IKZF3: variants seen among roughly 807,000 people sequenced by gnomAD.
IKZF3 encodes zinc finger protein Aiolos.
A neutral mutation model predicts 49.0 loss-of-function variants in IKZF3; 10 were observed. That is an observed-to-expected ratio of 0.20 (90% CI 0.13 to 0.35). IKZF3 has a LOEUF of 0.35. IKZF3 is among the 10% of genes least tolerant of loss of function. The probability of loss-of-function intolerance (pLI) is 1.00; values close to 1 mark genes in which losing one functional copy is unlikely to be tolerated. For missense variants in IKZF3, 498 were observed against 664.8 expected, an observed-to-expected ratio of 0.75 and a Z score of 2.76; for synonymous variants, 209 against 228.2, an observed-to-expected ratio of 0.92 and a Z score of 0.76.
At chr17:39,851,039 A>G (rs1423362297) in intron 1 of IKZF3, among the ~76,000 whole-genome samples, 1 of 147,104 alleles carries the variant, frequency 6.8e-6, no homozygotes, top group East Asian at 2.0e-4. Flanking sequence ...ATACACGTAT[A>G]TATTATATAT....
chr17:39,766,097 A>G lies in IKZF3; in HGVS notation c.1223T>C (p.Leu408Pro). Residue 408 changes from leucine (L) to proline (P), a missense_variant, in exon 8 of 8, where the codon CTG becomes CCG. Physicochemically the swap from Leu to Pro is moderately conservative, Grantham distance 98. Around this residue, in one of 3 missense-constraint regions of IKZF3, gnomAD observed 317 missense variants for 397.3 expected, o/e 0.80. Transcript: ENST00000346872. The stretch of plus-strand genomic sequence containing the variant: ...TGGCATCCCATTGCGGGCCCGAGAC[A>G]GGACCATGTGATTTTGCTGATAGAT... Reference protein sequence around the residue: ...NHIYQQNHMVLSRARNGMPLL... With the variant: ...NHIYQQNHMVPSRARNGMPLL... The G allele has an allele frequency of 6.2e-6, 10 of 1,614,198 alleles. No individual in the cohort carries two copies. Among genetic ancestry groups the G allele is most frequent in the Non-Finnish European group, 8.5e-6 (10 of 1,180,022 alleles).
Position 39,765,976 on chromosome 17 carries a change from C to A in IKZF3, c.1344G>T (p.Val448=). The A allele has an allele frequency of 6.2e-7, 1 of 1,614,204 alleles. No homozygotes were observed. The highest frequency in any genetic ancestry group is 8.5e-7 in the Non-Finnish European group (1 of 1,179,998). ...SVKVINKEGE[V]MDVYRCDHCR... ...AGTGGTCACACCGATACACATCCAT[C>A]ACCTCCCCTTCCTTGTTGATCACTT... Residue 448 remains valine (V), a synonymous_variant, in exon 8 of 8, where the codon GTG becomes GTT. Coordinates refer to ENST00000346872, the MANE Select transcript of IKZF3 (RefSeq NM_012481.5).
chr17:39,804,837 A>G (rs1333304104), intron 3 of IKZF3, among the ~76,000 whole-genome samples: 3 of 152,004 alleles, frequency 2.0e-5, no homozygotes, highest in African/African-American at 4.8e-5. Flanking sequence ...CTCTTTCTCT[A>G]TCTCCTAGAT....
rs1349852778 is a variant in IKZF3, at chr17:39,766,111, T to A, written c.1209A>T (p.Gln403His). The change falls in exon 8 of 8, where the codon CAA (glutamine) becomes CAT (histidine). Residue 403 changes from glutamine (Q) to histidine (H), a missense_variant. This residue lies in a region of IKZF3 where 317 missense variants were observed against 397.3 expected (regional missense o/e 0.80). Transcript: ENST00000346872. ...GGGCCCGAGACAGGACCATGTGATTTTGCTGATAGATGTGATTCTGGCGTT... is the reference window on the plus strand; with the variant it reads ...GGGCCCGAGACAGGACCATGTGATTATGCTGATAGATGTGATTCTGGCGTT... ...HEERQNHIYQ[Q>H]NHMVLSRARN... The A allele has an allele frequency of 6.2e-7, 1 of 1,614,038 alleles. No homozygotes were observed. The highest frequency in any genetic ancestry group is 2.2e-5 in the East Asian group (1 of 44,902).
intron 1 of IKZF3, among the ~76,000 whole-genome samples, chr17:39,862,372 A>ATTC (rs1236527468): frequency 2.6e-5 from 4 of 152,142 alleles, no homozygotes; most frequent in African/African-American, 9.7e-5. Flanking sequence ...TCCATGAAGT[A>ATTC]TTCTACTTTC....
chr17:39,863,476 C>G (rs2063271342), intron 1 of IKZF3, among the ~76,000 whole-genome samples: 1 of 152,006 alleles, frequency 6.6e-6, no homozygotes, highest in Non-Finnish European at 1.5e-5. Flanking sequence ...GTTGAAAAGA[C>G]CATTGAAGAG....
At chr17:39,812,293 A>G (rs1349173662) in intron 3 of IKZF3, among the ~76,000 whole-genome samples, 1 of 152,198 alleles carries the variant, frequency 6.6e-6, no homozygotes, top group Non-Finnish European at 1.5e-5. Flanking sequence ...AAAACAAAAC[A>G]GAACACCCAA....
At chr17:39,787,153 G>A (rs1450939595) in intron 6 of IKZF3, among the ~76,000 whole-genome samples, 2 of 152,168 alleles carry the variant, frequency 1.3e-5, no homozygotes, top group Non-Finnish European at 2.9e-5. Flanking sequence ...TAAGCAATTG[G>A]TTCAAGTTAC....
At chr17:39,853,522 G>A (rs2062943514) in intron 1 of IKZF3, among the ~76,000 whole-genome samples, 2 of 152,130 alleles carry the variant, frequency 1.3e-5, no homozygotes. Context: ...GGCAATGCTT[G>A]TCAAAATTTT....
intron 3 of IKZF3, among the ~76,000 whole-genome samples, chr17:39,808,158 A>G (rs1469840498): frequency 6.6e-6 from 1 of 152,226 alleles, no homozygotes; most frequent in African/African-American, 2.4e-5. Context: ...AATGATTACA[A>G]GAAGCATCAT....
intron 7 of IKZF3, among the ~76,000 whole-genome samples, chr17:39,772,721 T>C (rs1267105199): frequency 1.3e-5 from 2 of 152,222 alleles, no homozygotes; most frequent in African/African-American, 2.4e-5. Flanking sequence ...TGTGTGGATG[T>C]CATCTGTTCT....
At chr17:39,837,813 A>ATT (rs544483382) in intron 1 of IKZF3, among the ~76,000 whole-genome samples, 1 of 143,366 alleles carries the variant, frequency 7.0e-6, no homozygotes, top group Non-Finnish European at 1.5e-5. Flanking sequence ...TAATTTTTGT[A>ATT]TTTTTTTTTT....
At chr17:39,814,453 T>C (rs2061634231) in intron 3 of IKZF3, among the ~76,000 whole-genome samples, 1 of 152,010 alleles carries the variant, frequency 6.6e-6, no homozygotes, top group Non-Finnish European at 1.5e-5. Context: ...AGATGAAGGG[T>C]GTACTGTGTT....
intron 1 of IKZF3, among the ~76,000 whole-genome samples, chr17:39,850,723 T>C (rs1455366635): frequency 9.5e-4 from 17 of 17,836 alleles, no homozygotes; most frequent in Non-Finnish European, 1.6e-3. Flanking sequence ...ATTATATATA[T>C]ACATATATAA....
intron 3 of IKZF3, among the ~76,000 whole-genome samples, chr17:39,812,641 A>C (rs574838930): frequency 5.8e-4 from 89 of 152,358 alleles, no homozygotes; most frequent in African/African-American, 2.1e-3. Flanking sequence ...ACCAAGGTAC[A>C]CAATGGCTCG....
intron 3 of IKZF3, among the ~76,000 whole-genome samples, chr17:39,799,913 C>T (rs536853603): frequency 1.3e-5 from 2 of 152,302 alleles, no homozygotes; most frequent in East Asian, 3.9e-4. Flanking sequence ...AATTACATTG[C>T]TACAGATCCG....
chr17:39,833,316 T>G (rs2144323047), intron 1 of IKZF3, among the ~76,000 whole-genome samples: 1 of 152,178 alleles, frequency 6.6e-6, no homozygotes, highest in East Asian at 1.9e-4. Context: ...ATTCAATGAG[T>G]TTTTAAAAAT....
At chr17:39,850,290 ATAC>A (rs1213686428) in intron 1 of IKZF3, among the ~76,000 whole-genome samples, 1 of 140,520 alleles carries the variant, frequency 7.1e-6, no homozygotes, top group East Asian at 2.0e-4. Context: ...TATATAGTAT[ATAC>A]AATATATAGC....
At chr17:39,825,444 T>C (rs1402803948) in intron 3 of IKZF3, among the ~76,000 whole-genome samples, 6 of 152,264 alleles carry the variant, frequency 3.9e-5, no homozygotes, top group African/African-American at 9.6e-5. Context: ...AGAGCCTTAA[T>C]TGGGGTTTCT....
Sources: allele counts gnomAD v4.1 joint callset (sites outside exome capture counted in the v4.1 genomes callset), GRCh38; gene constraint gnomAD v4.1.1; regional missense constraint gnomAD v4.1.1; transcripts MANE v1.5; gene names NCBI Gene and HGNC (gene_info 2026-07-23, HGNC 2026-07-21).